The following PDGFA variants were observed in gnomAD, a reference collection of about 807,000 sequenced individuals.
PDGFA encodes platelet-derived growth factor subunit A.
PDGFA carries 9 observed loss-of-function variants against 25.6 expected under a neutral mutation model. The observed-to-expected ratio is 0.35, with a 90% confidence interval of 0.21 to 0.61. The LOEUF is 0.61. PDGFA is among the 20% of genes least tolerant of loss of function. PDGFA has a pLI of 0.75. For missense variants in PDGFA, 242 were observed against 272.8 expected (o/e 0.89, Z 0.79); for synonymous variants, 133 against 111.8 (o/e 1.19, Z -1.20).
chr7:504,231 C>T (rs1354394275), intron 4 of PDGFA, among the ~76,000 whole-genome samples: 1 of 152,004 alleles, frequency 6.6e-6, no homozygotes, highest in Non-Finnish European at 1.5e-5. Context: ...CACAGTACCA[C>T]CACCCACCCA....
chr7:504,626 G>C (rs969426436), intron 4 of PDGFA, among the ~76,000 whole-genome samples: 1 of 152,230 alleles, frequency 6.6e-6, no homozygotes, highest in South Asian at 2.1e-4. Flanking sequence ...CCTCTGCAGG[G>C]GTGGCCAAGT....
At chr7:506,175 C>CAA (rs34159199) in intron 4 of PDGFA, among the ~76,000 whole-genome samples, 26,714 of 107,032 alleles carry the variant, frequency 0.25, 3,847 homozygotes, top group Non-Finnish European at 0.33. Context: ...GACTCTGTCT[C>CAA]AAAAAAAAAA....
At chr7:511,905 G>T (rs935380930) in intron 3 of PDGFA, among the ~76,000 whole-genome samples, 1 of 152,202 alleles carries the variant, frequency 6.6e-6, no homozygotes, top group Non-Finnish European at 1.5e-5. Flanking sequence ...GGGTGTCGGG[G>T]GGCAGCCGCC....
chr7:501,794 G>A (rs10225512), intron 4 of PDGFA, among the ~76,000 whole-genome samples: 50,122 of 152,080 alleles, frequency 0.33, 8,661 homozygotes, highest in African/African-American at 0.36. Context: ...GTGTGCCTGG[G>A]GGGGCTGAAG....
intron 2 of PDGFA, among the ~76,000 whole-genome samples, chr7:514,706 G>A (rs1583158047): frequency 1.3e-5 from 2 of 152,294 alleles, no homozygotes; most frequent in African/African-American, 2.4e-5. Context: ...GTTATCAGCC[G>A]CTCAATGAAC....
chr7:512,495 G>C, intron 2 of PDGFA, 40 bp from the exon 3 acceptor site: 1 of 1,612,422 alleles, frequency 6.2e-7, no homozygotes, highest in Non-Finnish European at 8.5e-7. Flanking sequence ...CCCCAGGCCC[G>C]TGCGCTGTGC....
At chr7:501,553 T>C (rs1169356835) in intron 4 of PDGFA, among the ~76,000 whole-genome samples, 1 of 152,244 alleles carries the variant, frequency 6.6e-6, no homozygotes, top group South Asian at 2.1e-4. Context: ...GCCTCCCACC[T>C]GTAAGCACAG....
intron 3 of PDGFA, among the ~76,000 whole-genome samples, chr7:511,715 C>T (rs1326617697): frequency 1.3e-5 from 2 of 152,198 alleles, no homozygotes; most frequent in East Asian, 1.9e-4. Flanking sequence ...CCCGAGGACG[C>T]GGGACTTGGG....
At chr7:519,047 G>A (rs1326577655) in exon 1 of PDGFA, 1 of 1,456,964 alleles carries the variant, frequency 6.9e-7, no homozygotes. Flanking sequence ...GAGGCCGCGG[G>A]GCGGGCGCTC....
intron 4 of PDGFA, among the ~76,000 whole-genome samples, chr7:505,990 A>G (rs1782545800): frequency 6.6e-6 from 1 of 152,114 alleles, no homozygotes; most frequent in Non-Finnish European, 1.5e-5. Context: ...CCTGACCAAT[A>G]TGGCGAAACC....
upstream of PDGFA, chr7:520,076 C>T (rs1783307399): frequency 7.6e-6 from 3 of 396,834 alleles, no homozygotes. Context: ...GCGCCCGGCT[C>T]CGCGCCGGGG....
chr7:505,972 A>C (rs9986730), intron 4 of PDGFA, among the ~76,000 whole-genome samples: 2,704 of 152,232 alleles, frequency 0.018, 83 homozygotes, highest in African/African-American at 0.061. Flanking sequence ...TCAGGAGTTC[A>C]AGACCAGCCT....
At position 517,729 on chromosome 7, in the gene PDGFA, GC is replaced by G. The variant is rs575457977; in HGVS notation, c.64-240del. Among the ~76,000 whole-genome samples, 1,730 of 145,140 alleles carry G rather than the reference GC, an allele frequency of 0.012. 13 individuals are homozygous for G. Among genetic ancestry groups the G allele is most frequent in the South Asian group, 0.052 (238 of 4,594 alleles). On this transcript the variant is annotated intron_variant, in intron 1 of 5. Coordinates refer to ENST00000402802, the Ensembl canonical transcript of PDGFA. The surrounding 1 kb of genome is among the most constrained non-coding windows in gnomAD (Gnocchi z 7.4). ...ATGTTCCGCCCTTTGCAAAATCAAAGCCCCCCCCCCTTTATATTTTCAGACA... is the reference window on the plus strand; with the variant it reads ...ATGTTCCGCCCTTTGCAAAATCAAAGCCCCCCCCCTTTATATTTTCAGACA...
intron 4 of PDGFA, among the ~76,000 whole-genome samples, chr7:509,405 C>G (rs945863254): frequency 2.0e-5 from 3 of 152,240 alleles, no homozygotes; most frequent in Non-Finnish European, 2.9e-5. Context: ...ATCCTCCCAC[C>G]TCAGCCTCCA....
At chr7:512,328 C>G in intron 3 of PDGFA, 23 bp downstream of exon 3, 1 of 1,597,970 alleles carries the variant, frequency 6.3e-7, no homozygotes, top group Non-Finnish European at 8.5e-7. Context: ...CCTGCCCTGC[C>G]CATCGCGGCC....
chr7:512,072 C>T (rs1181994076), intron 3 of PDGFA, among the ~76,000 whole-genome samples: 5 of 152,238 alleles, frequency 3.3e-5, no homozygotes, highest in Non-Finnish European at 7.3e-5. Flanking sequence ...GATGGCTCTT[C>T]TCTCCTGGAA....
chr7:501,973 C>T (rs1303933994), intron 4 of PDGFA, among the ~76,000 whole-genome samples: 1 of 152,126 alleles, frequency 6.6e-6, no homozygotes, highest in African/African-American at 2.4e-5. Flanking sequence ...GCCTGTAATC[C>T]CAGCACTTTG....
chr7:512,856 G>A (rs927580083), intron 2 of PDGFA: 25 of 337,556 alleles, frequency 7.4e-5, no homozygotes, highest in Non-Finnish European at 1.3e-4. Context: ...CCTCCCCGAG[G>A]GGCACAGGGC....
At chr7:508,566 A>T (rs1447407343) in intron 4 of PDGFA, among the ~76,000 whole-genome samples, 6 of 140,562 alleles carry the variant, frequency 4.3e-5, no homozygotes, top group Non-Finnish European at 7.7e-5. Flanking sequence ...TCCCAAAAAA[A>T]AAAAAAAAAA....
Sources: gnomAD v4.1 joint callset for allele counts (sites outside exome capture counted in the v4.1 genomes callset) on GRCh38, gnomAD v4.1.1 for gene constraint, Gnocchi (gnomAD v3.1) non-coding constraint, MANE v1.5 for transcripts, NCBI Gene and HGNC (gene_info 2026-07-23, HGNC 2026-07-21) for gene names.